Variants in ST7 observed in about 807,000 individuals in gnomAD.
ST7 encodes the protein suppressor of tumorigenicity 7 protein.
In ST7, 28 loss-of-function variants were observed where a neutral mutation model predicts 78.7. The observed-to-expected ratio is 0.36, with a 90% CI of 0.26 to 0.49. The LOEUF (loss-of-function observed/expected upper bound fraction) is 0.49. Among genes scored for constraint, ST7 ranks in the 20% least tolerant of loss-of-function variants. The pLI is 0.99. For synonymous variants in ST7, 247 were observed against 249.6 expected (o/e 0.99, Z 0.10); for missense variants, 418 against 696.0 (o/e 0.60, Z 4.49).
Position 117,058,726 on chromosome 7 carries a change from G to A in ST7, c.152-41036G>A, listed in dbSNP as rs958027530. 3.0e-4 allele frequency among the ~76,000 whole-genome samples: 46 copies of A among 152,088 alleles called. 1 individual carries two copies. The highest frequency in any genetic ancestry group is 1.0e-3 in the African/African-American group (42 of 41,420). ...ACTGTGTGATGGTATCAAAGAAATA[G>A]CAGATATACTGCACTCCCCTATTTA... On this transcript the variant is annotated intron_variant, in intron 1 of 15. Coordinates refer to ENST00000323984, the MANE Select transcript of ST7 (RefSeq NM_001369598.1).
At chr7:117,099,970 T>C in intron 2 of ST7, 126 bp downstream of exon 2, 1 of 649,226 alleles carries the variant, frequency 1.5e-6, no homozygotes, top group South Asian at 2.7e-5. Context: ...TGCACATGTA[T>C]ATATGTTGGG....
At chr7:117,218,617 A>G (rs1391432831) in intron 13 of ST7, among the ~76,000 whole-genome samples, 1 of 152,172 alleles carries the variant, frequency 6.6e-6, no homozygotes, top group African/African-American at 2.4e-5. Flanking sequence ...AAATCCACTT[A>G]AACAGTATTT....
intron 9 of ST7, among the ~76,000 whole-genome samples, chr7:117,163,581 TTGTA>T (rs1807321452): frequency 6.6e-6 from 1 of 152,186 alleles, no homozygotes; most frequent in South Asian, 2.1e-4. Context: ...TGTTGGCCAT[TTGTA>T]TGTCTTCTTT....
At chr7:117,183,859 T>C (rs1808994543) in intron 10 of ST7, among the ~76,000 whole-genome samples, 1 of 152,230 alleles carries the variant, frequency 6.6e-6, no homozygotes, top group Admixed American at 6.5e-5. Flanking sequence ...AAATGTCCTT[T>C]ATCAAGAGGA....
intron 1 of ST7, among the ~76,000 whole-genome samples, chr7:117,021,879 AT>A (rs1332070234): frequency 6.6e-6 from 1 of 152,232 alleles, no homozygotes; most frequent in Non-Finnish European, 1.5e-5. Context: ...AGAATTGGTT[AT>A]CTAAGAAATA....
intron 2 of ST7, among the ~76,000 whole-genome samples, chr7:117,106,310 G>C (rs978098224): frequency 6.6e-6 from 1 of 152,124 alleles, no homozygotes; most frequent in African/African-American, 2.4e-5. Context: ...GAAATGTTTT[G>C]TCTAAGCTCA....
At chr7:117,205,910 A>G (rs10231354) in intron 12 of ST7, among the ~76,000 whole-genome samples, 4,485 of 152,316 alleles carry the variant, frequency 0.029, 224 homozygotes, top group African/African-American at 0.1. Flanking sequence ...GTGTTCTTTG[A>G]TTTGTGAGCT....
chr7:117,197,222 A>C (rs1810402540), intron 12 of ST7, among the ~76,000 whole-genome samples: 1 of 152,296 alleles, frequency 6.6e-6, no homozygotes, highest in South Asian at 2.1e-4. Flanking sequence ...TTTTTAATAG[A>C]GACGAAGTCT....
chr7:117,218,972 C>T (rs1792890335), intron 13 of ST7, 112 bp from the exon 14 acceptor site: 4 of 774,796 alleles, frequency 5.2e-6, no homozygotes, highest in Non-Finnish European at 8.6e-6. Context: ...TAAGCCTTGC[C>T]TCCTTTGTAG....
chr7:117,170,175 A>G (rs1807882257), intron 9 of ST7, among the ~76,000 whole-genome samples: 1 of 151,970 alleles, frequency 6.6e-6, no homozygotes, highest in Non-Finnish European at 1.5e-5. Context: ...CCCGTGAGAT[A>G]TTTTTCAGCC....
chr7:117,180,571 A>G (rs1023222298), intron 10 of ST7, among the ~76,000 whole-genome samples: 3 of 152,204 alleles, frequency 2.0e-5, no homozygotes, highest in Non-Finnish European at 4.4e-5. Context: ...ATAAATAAAT[A>G]AATAAAAGGA....
intron 1 of ST7, among the ~76,000 whole-genome samples, chr7:117,044,104 C>T (rs955756729): frequency 3.9e-5 from 6 of 152,186 alleles, no homozygotes; most frequent in Non-Finnish European, 7.3e-5. Flanking sequence ...TTCTTAAACA[C>T]TTACCTTTTC....
intron 9 of ST7, among the ~76,000 whole-genome samples, chr7:117,142,585 G>A (rs146599885): frequency 6.6e-6 from 1 of 151,884 alleles, no homozygotes; most frequent in Admixed American, 6.6e-5. Flanking sequence ...GAGTAGATCT[G>A]TTTCAGGGCT....
intron 1 of ST7, among the ~76,000 whole-genome samples, chr7:117,066,625 G>C (rs1219829426): frequency 1.3e-5 from 2 of 151,932 alleles, no homozygotes; most frequent in East Asian, 3.9e-4. Flanking sequence ...GCTGGGTGTG[G>C]TGGTGTGCAC....
At chr7:117,172,381 C>T (rs1005021632) in intron 10 of ST7, among the ~76,000 whole-genome samples, 9 of 152,134 alleles carry the variant, frequency 5.9e-5, no homozygotes, top group Non-Finnish European at 1.2e-4. Flanking sequence ...AATTTTTTCT[C>T]AAATATATGG....
chr7:117,201,820 C>T (rs555522712), intron 12 of ST7, among the ~76,000 whole-genome samples: 1 of 152,064 alleles, frequency 6.6e-6, no homozygotes, highest in Admixed American at 6.5e-5. Flanking sequence ...TGTCTTGAGG[C>T]CATCTCGACT....
chr7:117,080,567 A>G (rs563437125), intron 1 of ST7, among the ~76,000 whole-genome samples: 1 of 152,238 alleles, frequency 6.6e-6, no homozygotes, highest in East Asian at 1.9e-4. Context: ...CATGCCTATT[A>G]TTATCTCCTT....
chr7:116,988,678 G>A (rs1794290492), intron 1 of ST7, among the ~76,000 whole-genome samples: 1 of 152,118 alleles, frequency 6.6e-6, no homozygotes. Context: ...TAAAATGATT[G>A]TTGTGTTCTG....
intron 12 of ST7, among the ~76,000 whole-genome samples, chr7:117,197,226 G>T (rs1363179384): frequency 6.6e-6 from 1 of 152,128 alleles, no homozygotes; most frequent in Non-Finnish European, 1.5e-5. Context: ...TAATAGAGAC[G>T]AAGTCTCTGT....
Sources: gnomAD v4.1 joint callset for allele counts (sites outside exome capture counted in the v4.1 genomes callset) on GRCh38, gnomAD v4.1.1 for gene constraint, MANE v1.5 for transcripts, NCBI Gene and HGNC (gene_info 2026-07-23, HGNC 2026-07-21) for gene names.